Variants in GRIN2A observed in about 807,000 individuals in gnomAD.
The protein encoded by GRIN2A is glutamate receptor ionotropic, NMDA 2A.
In GRIN2A, 22 loss-of-function variants were observed where a neutral mutation model predicts 113.4. The observed-to-expected ratio is 0.19, with a 90% CI of 0.14 to 0.28. The LOEUF (loss-of-function observed/expected upper bound fraction) is 0.28, where lower values mean the gene tolerates loss of function less well. Among genes scored for constraint, GRIN2A ranks in the 10% least tolerant of loss-of-function variants. The pLI is 1.00. For synonymous variants in GRIN2A, 827 were observed against 738.4 expected (o/e 1.12, Z -1.94); for missense variants, 1,502 against 1,887.0 (o/e 0.80, Z 3.78).
At chr16:9,887,282 AT>A (rs926384172) in intron 4 of GRIN2A, among the ~76,000 whole-genome samples, 8 of 152,182 alleles carry the variant, frequency 5.3e-5, no homozygotes, top group Non-Finnish European at 1.0e-4. Flanking sequence ...AATGTTCAAG[AT>A]AGGAAATAAC....
intron 2 of GRIN2A, among the ~76,000 whole-genome samples, chr16:10,170,977 A>G (rs553352405): frequency 3.3e-5 from 5 of 151,030 alleles, no homozygotes; most frequent in Non-Finnish European, 7.4e-5. Flanking sequence ...TATGGGGGGA[A>G]CCTCCAGTGC....
At chr16:10,120,915 A>T (rs2352753) in intron 2 of GRIN2A, among the ~76,000 whole-genome samples, 128,050 of 151,788 alleles carry the variant, frequency 0.84, 54,815 homozygotes, top group East Asian at 0.92. Flanking sequence ...CTGTCCCCTG[A>T]TCCTTCCTAA....
chr16:10,172,473 G>T (rs1433239824), intron 2 of GRIN2A, among the ~76,000 whole-genome samples: 2 of 152,228 alleles, frequency 1.3e-5, no homozygotes, highest in African/African-American at 4.8e-5. Flanking sequence ...TACATCATAG[G>T]CCTCACAGCC....
At chr16:9,778,669 C>G (rs2267784) in intron 11 of GRIN2A, among the ~76,000 whole-genome samples, 1 of 152,116 alleles carries the variant, frequency 6.6e-6, no homozygotes, top group African/African-American at 2.4e-5. Flanking sequence ...GGTGTTTACA[C>G]GTGCCTTTCA....
At chr16:10,179,878 T>TCCCCCC (rs1596586605) in intron 2 of GRIN2A, 120 bp downstream of exon 2, 5 of 443,686 alleles carry the variant, frequency 1.1e-5, no homozygotes, top group Admixed American at 5.0e-5. Context: ...GCCACGACCC[T>TCCCCCC]CCCACCCCCA....
At chr16:10,105,142 GC>G (rs2048472793) in intron 2 of GRIN2A, among the ~76,000 whole-genome samples, 1 of 51,098 alleles carries the variant, frequency 2.0e-5, no homozygotes, top group African/African-American at 9.6e-5. Context: ...AGAGATGGAA[GC>G]CTGGAGAAGC....
chr16:9,780,663 A>T (rs1306084342), intron 11 of GRIN2A, among the ~76,000 whole-genome samples: 1 of 152,190 alleles, frequency 6.6e-6, no homozygotes, highest in African/African-American at 2.4e-5. Context: ...AATTAACTGG[A>T]TATTGGGATT....
intron 2 of GRIN2A, among the ~76,000 whole-genome samples, chr16:10,107,711 C>T (rs75121077): frequency 2.0e-5 from 3 of 152,238 alleles, no homozygotes; most frequent in Non-Finnish European, 2.9e-5. Context: ...AGGAGCAGCT[C>T]ACCTGAGACA....
intron 2 of GRIN2A, among the ~76,000 whole-genome samples, chr16:9,947,662 T>C (rs2045051441): frequency 6.6e-6 from 1 of 152,338 alleles, no homozygotes; most frequent in Non-Finnish European, 1.5e-5. Flanking sequence ...GGAGTCTGTA[T>C]GTTCCTGTTA....
chr16:9,988,040 T>A (rs2046012405), intron 2 of GRIN2A, among the ~76,000 whole-genome samples: 1 of 152,066 alleles, frequency 6.6e-6, no homozygotes, highest in Non-Finnish European at 1.5e-5. Flanking sequence ...TTGTAAAAAA[T>A]AAGCCCAAGA....
At chr16:9,831,713 G>A (rs1370966347) in intron 8 of GRIN2A, among the ~76,000 whole-genome samples, 2 of 151,650 alleles carry the variant, frequency 1.3e-5, no homozygotes, top group Non-Finnish European at 2.9e-5. Context: ...ATGCGGTTTT[G>A]CCATATTGGC....
chr16:10,155,781 G>C (rs2049680181), intron 2 of GRIN2A, among the ~76,000 whole-genome samples: 1 of 152,222 alleles, frequency 6.6e-6, no homozygotes, highest in African/African-American at 2.4e-5. Context: ...ATGTGCAGGG[G>C]AACTCCCATT....
Position 9,762,989 on chromosome 16 carries a change from G to A in GRIN2A, c.*160C>T. 1 of 699,880 alleles carries A rather than the reference G, an allele frequency of 1.4e-6. No individual in the cohort carries two copies. The highest frequency in any genetic ancestry group is 2.4e-5 in the Admixed American group (1 of 42,048). The allele number at this position is 699,880 out of a possible 1,614,324, so 43.4% of individuals were successfully genotyped here. Reference sequence around the variant, plus strand: ...AAGATTCCTTGAGTGGAAGATTATGGCATGAAGCCGTGTGCAAAAGAGCCA... The same window carrying A: ...AAGATTCCTTGAGTGGAAGATTATGACATGAAGCCGTGTGCAAAAGAGCCA... On this transcript the variant is annotated 3_prime_UTR_variant, in exon 13 of 13. Coordinates refer to ENST00000330684, the MANE Select transcript of GRIN2A (RefSeq NM_001134407.3).
At chr16:9,952,124 C>T (rs923602548) in intron 2 of GRIN2A, among the ~76,000 whole-genome samples, 1 of 152,126 alleles carries the variant, frequency 6.6e-6, no homozygotes, top group African/African-American at 2.4e-5. Context: ...GGAGGGTTCA[C>T]TGGCCTCCAA....
chr16:10,033,131 C>G (rs67182441), intron 2 of GRIN2A, among the ~76,000 whole-genome samples: 1 of 152,082 alleles, frequency 6.6e-6, no homozygotes, highest in South Asian at 2.1e-4. Flanking sequence ...TATCTGACAC[C>G]CCCACCTACC....
intron 2 of GRIN2A, among the ~76,000 whole-genome samples, chr16:9,987,374 CA>C (rs946480379): frequency 6.6e-6 from 1 of 151,454 alleles, no homozygotes; most frequent in Non-Finnish European, 1.5e-5. Context: ...ACTATGGAAG[CA>C]AAAAAAATGC....
chr16:9,898,678 G>A (rs1397201788), intron 3 of GRIN2A, among the ~76,000 whole-genome samples: 1 of 152,070 alleles, frequency 6.6e-6, no homozygotes, highest in Non-Finnish European at 1.5e-5. Context: ...TCCTTGAACT[G>A]CTTGGGTGTC....
intron 2 of GRIN2A, among the ~76,000 whole-genome samples, chr16:10,059,661 T>C (rs1036069011): frequency 4.0e-5 from 6 of 151,182 alleles, no homozygotes. Context: ...CTTTTGACTT[T>C]CTCCTGTAGC....
In GRIN2A at chr16:9,850,138, A is replaced by G. The variant is rs8054791; in HGVS notation, c.1123-177T>C. 0.38 allele frequency among the ~76,000 whole-genome samples: 57,426 copies of G among 152,064 alleles called. 12,307 individuals are homozygous for G. Among genetic ancestry groups the G allele is most frequent in the African/African-American group, 0.59 (24,538 of 41,444 alleles). ...CGGGCATAAAGAGAAAACAGAATATAGGGCAGTTCTCCATCCCAGCCGCCC... is the reference window on the plus strand; with the variant it reads ...CGGGCATAAAGAGAAAACAGAATATGGGGCAGTTCTCCATCCCAGCCGCCC... On this transcript the variant is annotated intron_variant, in intron 4 of 12. Coordinates refer to ENST00000330684, the MANE Select transcript of GRIN2A (RefSeq NM_001134407.3).
Sources: allele counts gnomAD v4.1 joint callset (sites outside exome capture counted in the v4.1 genomes callset), GRCh38; gene constraint gnomAD v4.1.1; transcripts MANE v1.5; gene names NCBI Gene and HGNC (gene_info 2026-07-23, HGNC 2026-07-21).